PCDHA2: variants seen among roughly 807,000 people sequenced by gnomAD.
PCDHA2 encodes the protein protocadherin alpha 2, also known as protocadherin alpha-2.
PCDHA2 carries 58 observed loss-of-function variants against 66.0 expected under a neutral mutation model. The observed-to-expected ratio is 0.88, with a 90% confidence interval of 0.71 to 1.09. The LOEUF (loss-of-function observed/expected upper bound fraction) is 1.09, where lower values mean the gene tolerates loss of function less well. Ranked by LOEUF, PCDHA2 falls within the 50% of genes least tolerant of loss-of-function variation. The pLI is 0.00. For missense variants in PCDHA2, 1,267 were observed against 1,242.3 expected, an observed-to-expected ratio of 1.02 and a Z score of -0.30; for synonymous variants, 634 against 554.0, an observed-to-expected ratio of 1.14 and a Z score of -2.03.
intron 1 of PCDHA2, among the ~76,000 whole-genome samples, chr5:140,797,779 T>C (rs1404197213): frequency 6.6e-6 from 1 of 152,240 alleles, no homozygotes; most frequent in Non-Finnish European, 1.5e-5. Flanking sequence ...ACCTATATCC[T>C]GGACATTTCT....
rs782180931 is a variant in PCDHA2, at chr5:140,857,881, G to A, written c.2388+60529G>A. 6 of 1,597,644 alleles carry A rather than the reference G, an allele frequency of 3.8e-6. 1 individual carries two copies. In the African/African-American group the frequency reaches 8.1e-5, roughly 22 times the overall value. On this transcript the variant is annotated intron_variant, in intron 1 of 3. Coordinates refer to ENST00000526136, the MANE Select transcript of PCDHA2 (RefSeq NM_018905.3). ...ACGCGTGGCTGTCGTATGAATTGCAGTCGGCGGCGGTTGGTGCACGCATCC... is the reference window on the plus strand; with the variant it reads ...ACGCGTGGCTGTCGTATGAATTGCAATCGGCGGCGGTTGGTGCACGCATCC...
chr5:141,004,883 A>T (rs1273215928), intron 3 of PCDHA2, among the ~76,000 whole-genome samples: 4 of 152,132 alleles, frequency 2.6e-5, no homozygotes, highest in Admixed American at 2.0e-4. Flanking sequence ...CTAAAGTGCT[A>T]TTGTGTCAGC....
At chr5:140,829,374 G>T in intron 1 of PCDHA2, 1 of 1,614,224 alleles carries the variant, frequency 6.2e-7, no homozygotes, top group East Asian at 2.2e-5. Context: ...GTAACCGCGC[G>T]GGACGGGGGC....
chr5:140,847,280 A>T (rs2150398686), intron 1 of PCDHA2, among the ~76,000 whole-genome samples: 1 of 149,896 alleles, frequency 6.7e-6, no homozygotes, highest in Non-Finnish European at 1.5e-5. Context: ...TTGAACGGGA[A>T]GACAAACTCA....
At chr5:140,883,830 A>G in intron 1 of PCDHA2, 5 of 1,612,532 alleles carry the variant, frequency 3.1e-6, no homozygotes, top group Non-Finnish European at 4.2e-6. Context: ...TACGCGCTGC[A>G]GCCGTTGGAC....
At chr5:140,836,843 A>G (rs1774773753) in intron 1 of PCDHA2, 2 of 826,772 alleles carry the variant, frequency 2.4e-6, no homozygotes, top group Admixed American at 6.3e-5. Context: ...AGCTTTATGT[A>G]TAATTATTAT....
Position 140,850,315 on chromosome 5 carries a change from T to G in PCDHA2, c.2388+52963T>G, listed in dbSNP as rs2150479120. 2.9e-5 allele frequency: 47 copies of G among 1,597,110 alleles called. 5 individuals are homozygous for G. Among genetic ancestry groups the G allele is most frequent in the Non-Finnish European group, 3.9e-5 (45 of 1,167,642 alleles). On this transcript the variant is annotated intron_variant, in intron 1 of 3. Coordinates refer to ENST00000526136, the MANE Select transcript of PCDHA2 (RefSeq NM_018905.3). ...GCCGACTCGGGCTACAACGCGTGGC[T>G]TTCATACGAGCTGCAGCCAGAAACG... is the stretch of plus-strand genomic sequence containing the variant.
chr5:140,865,248 G>C (rs2048793700), intron 1 of PCDHA2: 1 of 152,148 alleles, frequency 6.6e-6, no homozygotes, highest in Non-Finnish European at 1.5e-5. Context: ...ATTTATAGCT[G>C]TAAGGATGTG....
At position 140,982,581 on chromosome 5, in the gene PCDHA2, C is replaced by CT. The variant is rs782248594; in HGVS notation, c.2536+19dup. 2.4e-5 allele frequency: 38 copies of CT among 1,612,216 alleles called. No homozygotes were observed. The Middle Eastern group carries it at 5.0e-4, about 21-fold the overall frequency. ...AACACCAGGTAAAGAGCTGGGGTCT[C>CT]TCCATTCTTTCTTGGTTTCTGGAAA... On this transcript the variant is annotated intron_variant, in intron 3 of 3. Transcript: ENST00000526136.
chr5:140,914,772 C>T lies in PCDHA2; in HGVS notation c.2389-64177C>T, dbSNP rs143748722. On this transcript the variant is annotated intron_variant, in intron 1 of 3. Transcript: ENST00000526136. ...ATTTGAGGTTACATGAGGTTTATGA[C>T]TTATCTTATGACCCATTATTTTAAA... Among the ~76,000 whole-genome samples, 1,217 of 151,940 alleles carry T rather than the reference C, an allele frequency of 8.0e-3. 6 individuals are homozygous for T. The highest frequency in any genetic ancestry group is 0.019 in the African/African-American group (786 of 41,464).
Position 140,847,952 on chromosome 5 carries a change from A to T in PCDHA2, c.2388+50600A>T, listed in dbSNP as rs185156520. The T allele has an allele frequency of 1.9e-3, 295 of 152,428 alleles. 32 individuals are homozygous for T. Among genetic ancestry groups the T allele is most frequent in the Non-Finnish European group, 3.3e-3 (228 of 68,582 alleles). 9.4% of individuals were successfully genotyped at this position (152,428 alleles called of 1,614,324 possible). A position where few individuals can be genotyped will look rare whatever the true frequency, so the allele number is the denominator to read the frequency against. On this transcript the variant is annotated intron_variant, in intron 1 of 3. Coordinates refer to ENST00000526136, the MANE Select transcript of PCDHA2 (RefSeq NM_018905.3). ...ATTGCAACTCCTGGATTTCTCTTAC[A>T]CTAGAATCCTATTTCGAGCCATATG...
At chr5:140,946,797 CAG>C (rs1279078142) in intron 1 of PCDHA2, among the ~76,000 whole-genome samples, 2 of 151,052 alleles carry the variant, frequency 1.3e-5, no homozygotes, top group Non-Finnish European at 3.0e-5. Context: ...CTTATAGAAG[CAG>C]AGAGTATAAC....
At chr5:140,928,790 GGGT>G in intron 1 of PCDHA2, 1 of 1,614,176 alleles carries the variant, frequency 6.2e-7, no homozygotes. Flanking sequence ...GTTAAGCAGA[GGGT>G]GGTGGTAGTG....
At chr5:140,952,171 TG>T (rs2094700193) in intron 1 of PCDHA2, among the ~76,000 whole-genome samples, 1 of 152,084 alleles carries the variant, frequency 6.6e-6, no homozygotes, top group Non-Finnish European at 1.5e-5. Context: ...GTTCAGTTCC[TG>T]CAGCTGCTCT....
intron 1 of PCDHA2, chr5:140,828,820 A>T (rs192366589): frequency 6.2e-7 from 1 of 1,614,208 alleles, no homozygotes; most frequent in Admixed American, 1.7e-5. Context: ...CCACTTTCGA[A>T]CAGTCTGAAT....
rs1554262437 is a variant in PCDHA2, at chr5:141,009,799, C to T, written c.2709C>T (p.Asn903=). 1 of 1,614,104 alleles carries T rather than the reference C, an allele frequency of 6.2e-7. No individual in the cohort carries two copies. Residue 903 remains asparagine (N), a synonymous_variant, in exon 4 of 4, where the codon AAC becomes AAT. Coordinates refer to ENST00000526136, the MANE Select transcript of PCDHA2 (RefSeq NM_018905.3). ...AIISIRQEPT[N]SQIDKSDFIT... is the part of the protein sequence containing the mutation. ...TCTCCATCCGGCAGGAGCCTACTAACAGCCAAATTGACAAAAGTGACTTCA... is the reference window on the plus strand; with the variant it reads ...TCTCCATCCGGCAGGAGCCTACTAATAGCCAAATTGACAAAAGTGACTTCA...
At chr5:140,856,151 T>C (rs2043811735) in intron 1 of PCDHA2, 2 of 1,598,312 alleles carry the variant, frequency 1.3e-6, no homozygotes, top group Middle Eastern at 1.7e-4. Context: ...CTACTCAGTC[T>C]ACGAGGAGGC....
At chr5:140,807,824 A>G in intron 1 of PCDHA2, 1 of 1,614,212 alleles carries the variant, frequency 6.2e-7, no homozygotes, top group Non-Finnish European at 8.5e-7. Flanking sequence ...TTTAGTGCTC[A>G]CAGCCACTGA....
intron 2 of PCDHA2, among the ~76,000 whole-genome samples, chr5:140,979,312 C>G (rs1419194517): frequency 1.3e-5 from 2 of 152,166 alleles, no homozygotes; most frequent in Admixed American, 6.5e-5. Flanking sequence ...CCCTCTCTAC[C>G]TATGCTTTCT....
Sources: gnomAD v4.1 joint callset for allele counts (sites outside exome capture counted in the v4.1 genomes callset) on GRCh38, gnomAD v4.1.1 for gene constraint, MANE v1.5 for transcripts, NCBI Gene and HGNC (gene_info 2026-07-23, HGNC 2026-07-21) for gene names.